MBNL1: variants seen among roughly 807,000 people sequenced by gnomAD.
MBNL1 encodes the protein muscleblind-like protein 1.
Under a neutral mutation model 42.2 loss-of-function variants are expected in MBNL1, and 8 were observed. That is an observed-to-expected ratio of 0.19 (90% CI 0.11 to 0.34). The LOEUF (loss-of-function observed/expected upper bound fraction) is 0.34, where lower values mean the gene tolerates loss of function less well. Among genes scored for constraint, MBNL1 ranks in the 10% least tolerant of loss-of-function variants. The pLI, the probability that MBNL1 is intolerant of heterozygous loss-of-function variation, is 1.00. For synonymous variants in MBNL1, 169 were observed against 173.9 expected, an observed-to-expected ratio of 0.97 and a Z score of 0.22; for missense variants, 309 against 495.3, an observed-to-expected ratio of 0.62 and a Z score of 3.57.
chr3:152,362,554 C>T (rs977151365), intron 2 of MBNL1, among the ~76,000 whole-genome samples: 4 of 152,078 alleles, frequency 2.6e-5, no homozygotes, highest in Non-Finnish European at 4.4e-5. Context: ...GTTTCTTAGC[C>T]TCAGCACTAT....
chr3:152,398,466 A>T (rs560196262), intron 2 of MBNL1, among the ~76,000 whole-genome samples: 1 of 152,312 alleles, frequency 6.6e-6, no homozygotes, highest in South Asian at 2.1e-4. Flanking sequence ...AAAAACATAC[A>T]TTAAAATTAT....
intron 2 of MBNL1, among the ~76,000 whole-genome samples, chr3:152,248,886 C>A (rs1044559543): frequency 6.6e-6 from 1 of 151,520 alleles, no homozygotes; most frequent in Non-Finnish European, 1.5e-5. Flanking sequence ...TTTGTTCTTG[C>A]GATAGTTTAC....
intron 2 of MBNL1, among the ~76,000 whole-genome samples, chr3:152,358,617 C>T (rs984197857): frequency 7.9e-5 from 12 of 151,764 alleles, no homozygotes; most frequent in African/African-American, 2.9e-4. Context: ...TCCTTTTATT[C>T]ATGTTGCTAA....
chr3:152,250,227 G>A (rs1238066999), intron 2 of MBNL1, among the ~76,000 whole-genome samples: 18 of 151,060 alleles, frequency 1.2e-4, no homozygotes, highest in South Asian at 2.1e-4. Flanking sequence ...CCATTTTCAC[G>A]ATATTGATTC....
At position 152,368,089 on chromosome 3, in the gene MBNL1, C is replaced by T. The variant is rs372896410; in HGVS notation, c.175-46852C>T. 1.8e-3 allele frequency among the ~76,000 whole-genome samples: 281 copies of T among 152,054 alleles called. 4 individuals are homozygous for T. Among genetic ancestry groups the T allele is most frequent in the African/African-American group, 6.2e-3 (257 of 41,480 alleles). ...TTTAGTCATGAAGTCTTTGCCCATG[C>T]GTATGTCCTGAATGGTACTGCCTTG... is the stretch of plus-strand genomic sequence containing the variant. On this transcript the variant is annotated intron_variant, in intron 2 of 9. Coordinates refer to ENST00000324210, the MANE Select transcript of MBNL1 (RefSeq NM_021038.5).
rs1202096831 is a variant in MBNL1 at position 152,463,579 on chromosome 3, A to C, written c.*1213A>C. 1 of 152,518 alleles carries C rather than the reference A, an allele frequency of 6.6e-6. No homozygotes were observed. Among genetic ancestry groups the C allele is most frequent in the Non-Finnish European group, 1.5e-5 (1 of 67,944 alleles). The allele number at this position is 152,518 out of a possible 1,614,324, so 9.4% of individuals were successfully genotyped here. ...TATGAAAATGGGAAATGTTTAATTA[A>C]CCTAGTAATTGGGTGGGTTAAGTAC... On this transcript the variant is annotated 3_prime_UTR_variant, in exon 10 of 10. Transcript: ENST00000324210.
chr3:152,465,196 A>ACTT lies in MBNL1; in HGVS notation c.*2832_*2834dup, dbSNP rs1749859196. ...TTTTCAAAACTACTGCATGTTTAAAACTTCAACAAAAAAAGAGAGAAAGAA... is the reference window on the plus strand; with the variant it reads ...TTTTCAAAACTACTGCATGTTTAAAACTTCTTCAACAAAAAAAGAGAGAAAGAA... On this transcript the variant is annotated 3_prime_UTR_variant, in exon 10 of 10. Coordinates refer to ENST00000324210, the MANE Select transcript of MBNL1 (RefSeq NM_021038.5). 6.6e-6 allele frequency: 1 copy of ACTT among 152,190 alleles called. No homozygotes were observed. Among genetic ancestry groups the ACTT allele is most frequent in the African/African-American group, 2.4e-5 (1 of 41,438 alleles). 9.4% of individuals were successfully genotyped at this position (152,190 alleles called of 1,614,324 possible).
At chr3:152,387,423 CAA>C (rs1360479297) in intron 2 of MBNL1, among the ~76,000 whole-genome samples, 1 of 152,020 alleles carries the variant, frequency 6.6e-6, no homozygotes, top group Non-Finnish European at 1.5e-5. Flanking sequence ...ATATTAAAAT[CAA>C]ATTTGTCTTC....
At chr3:152,256,447 C>T (rs1459118283) in intron 2 of MBNL1, among the ~76,000 whole-genome samples, 1 of 152,126 alleles carries the variant, frequency 6.6e-6, no homozygotes, top group Non-Finnish European at 1.5e-5. Context: ...CAGATGTTTC[C>T]TTGTTTATTG....
intron 4 of MBNL1, among the ~76,000 whole-genome samples, chr3:152,443,473 A>G (rs1206706839): frequency 2.1e-5 from 1 of 48,780 alleles, no homozygotes; most frequent in East Asian, 1.1e-3. Context: ...ATGCAGTAGT[A>G]TATATTTAGC....
chr3:152,440,392 A>G (rs955648588), intron 4 of MBNL1, among the ~76,000 whole-genome samples: 1 of 152,216 alleles, frequency 6.6e-6, no homozygotes, highest in Admixed American at 6.5e-5. Context: ...AGACCTCACA[A>G]TCATGGCAGA....
At chr3:152,244,275 A>G (rs1038916264) in intron 1 of MBNL1, 1 of 152,198 alleles carries the variant, frequency 6.6e-6, no homozygotes, top group Non-Finnish European at 1.5e-5. Flanking sequence ...AAGCATAATG[A>G]CTGTTATTTC....
chr3:152,296,672 TTGTGTGTG>T (rs10564035), intron 1 of MBNL1, among the ~76,000 whole-genome samples: 11 of 148,508 alleles, frequency 7.4e-5, no homozygotes, highest in Admixed American at 1.3e-4. Context: ...GAGGCAATGA[TTGTGTGTG>T]TGTGTGTGTG....
At chr3:152,388,072 C>T (rs972877310) in intron 2 of MBNL1, among the ~76,000 whole-genome samples, 3 of 152,226 alleles carry the variant, frequency 2.0e-5, no homozygotes, top group Non-Finnish European at 4.4e-5. Context: ...CAGGCTTTCA[C>T]TAGACCCTTG....
chr3:152,400,280 ATTTATAATATGCCACTTTAGT>A (rs151332772), intron 2 of MBNL1, among the ~76,000 whole-genome samples: 10,805 of 152,228 alleles, frequency 0.071, 498 homozygotes, highest in Middle Eastern at 0.16. Flanking sequence ...TTACTTGAAA[ATTTATAATATGCCACTTTAGT>A]TTTATAAACA....
At chr3:152,459,469 T>G (rs946448858) in intron 9 of MBNL1, 124 bp downstream of exon 9, 8 of 430,836 alleles carry the variant, frequency 1.9e-5, no homozygotes, top group African/African-American at 1.6e-4. Flanking sequence ...CATTTTTATC[T>G]TAAATGGGTG....
intron 1 of MBNL1, among the ~76,000 whole-genome samples, chr3:152,273,973 T>C (rs911423590): frequency 6.6e-6 from 1 of 152,192 alleles, no homozygotes; most frequent in Non-Finnish European, 1.5e-5. Context: ...TTAAATAATA[T>C]CATACTATTA....
chr3:152,414,642 T>C (rs1289088098), intron 2 of MBNL1, among the ~76,000 whole-genome samples: 1 of 152,200 alleles, frequency 6.6e-6, no homozygotes. Context: ...TATGTTTTAG[T>C]ATTACCCTAG....
chr3:152,252,255 C>T (rs895097009), intron 2 of MBNL1, among the ~76,000 whole-genome samples: 2 of 149,398 alleles, frequency 1.3e-5, no homozygotes, highest in African/African-American at 4.9e-5. Context: ...TCCCTTCCTC[C>T]TTCCCTTTAT....
Sources: allele counts gnomAD v4.1 joint callset (sites outside exome capture counted in the v4.1 genomes callset), GRCh38; gene constraint gnomAD v4.1.1; transcripts MANE v1.5; gene names NCBI Gene and HGNC (gene_info 2026-07-23, HGNC 2026-07-21).